The following PDZRN3 variants were observed in gnomAD, a reference collection of about 807,000 sequenced individuals.
The protein encoded by PDZRN3 is PDZ domain containing ring finger 3.
PDZRN3 carries 38 observed loss-of-function variants against 85.7 expected under a neutral mutation model. That is an observed-to-expected ratio of 0.44 (90% CI 0.34 to 0.58). PDZRN3 has a LOEUF of 0.58. Among genes scored for constraint, PDZRN3 ranks in the 20% least tolerant of loss-of-function variants. The pLI, the probability that PDZRN3 is intolerant of heterozygous loss-of-function variation, is 0.01. For synonymous variants in PDZRN3, 759 were observed against 638.0 expected, an observed-to-expected ratio of 1.19 and a Z score of -2.86; for missense variants, 1,629 against 1,506.4, an observed-to-expected ratio of 1.08 and a Z score of -1.35.
intron 3 of PDZRN3, among the ~76,000 whole-genome samples, chr3:73,407,653 C>A (rs1701881344): frequency 6.6e-6 from 1 of 152,078 alleles, no homozygotes; most frequent in South Asian, 2.1e-4. Flanking sequence ...ATTTTTATAG[C>A]AAGGTGATGG....
At chr3:73,388,169 C>T in intron 7 of PDZRN3, 100 bp from the exon 8 acceptor site, 1 of 635,950 alleles carries the variant, frequency 1.6e-6, no homozygotes, top group Admixed American at 2.7e-5. Context: ...CATTTGTCAC[C>T]CACTCACAGT....
chr3:73,417,450 G>A (rs1702115410), intron 3 of PDZRN3, among the ~76,000 whole-genome samples: 1 of 152,072 alleles, frequency 6.6e-6, no homozygotes, highest in South Asian at 2.1e-4. Flanking sequence ...GTGCACGTGC[G>A]GGGAAATACC....
rs1430043537 is a variant in PDZRN3, at chr3:73,384,238, G to C, written c.2328C>G (p.Asp776Glu). Residue 776 changes from aspartate (D) to glutamate (E), a missense_variant, in exon 10 of 10, where the codon GAC becomes GAG. Physicochemically the swap from Asp to Glu is conservative, Grantham distance 45 (BLOSUM62 2). Coordinates refer to ENST00000263666, the MANE Select transcript of PDZRN3 (RefSeq NM_015009.3). Reference sequence around the variant, plus strand: ...CCTCCGCCGCTCTCCTCAAGGAGTTGTCGGGGGAGATCTCCAGGGTGAGCG... The same window carrying C: ...CCTCCGCCGCTCTCCTCAAGGAGTTCTCGGGGGAGATCTCCAGGGTGAGCG... Reference protein sequence around the residue: ...STPLTLEISPDNSLRRAAEGI... With the variant: ...STPLTLEISPENSLRRAAEGI... 5.6e-6 allele frequency: 9 copies of C among 1,613,628 alleles called. No homozygotes were observed. The highest frequency in any genetic ancestry group is 7.6e-6 in the Non-Finnish European group (9 of 1,179,988).
intron 5 of PDZRN3, among the ~76,000 whole-genome samples, chr3:73,397,047 T>C (rs1297219608): frequency 3.3e-5 from 5 of 151,752 alleles, no homozygotes; most frequent in African/African-American, 1.2e-4. Flanking sequence ...TCTTTTTTTT[T>C]TTTTGAGACA....
intron 2 of PDZRN3, among the ~76,000 whole-genome samples, chr3:73,604,166 G>T (rs1702559439): frequency 6.6e-6 from 1 of 152,166 alleles, no homozygotes; most frequent in Admixed American, 6.5e-5. Context: ...TTTACCATCT[G>T]AATACCTCTG....
At chr3:73,399,918 T>C (rs1701716265) in intron 5 of PDZRN3, among the ~76,000 whole-genome samples, 1 of 152,224 alleles carries the variant, frequency 6.6e-6, no homozygotes, top group African/African-American at 2.4e-5. Context: ...ACTTCTGTCT[T>C]GGAATGAGAA....
At chr3:73,474,830 G>C (rs1436717430) in intron 3 of PDZRN3, among the ~76,000 whole-genome samples, 3 of 152,152 alleles carry the variant, frequency 2.0e-5, no homozygotes, top group Admixed American at 6.5e-5. Flanking sequence ...TGAGGTTCAT[G>C]ACCCTGCAGC....
At chr3:73,388,116 A>G in intron 7 of PDZRN3, 47 bp from the exon 8 acceptor site, 1 of 896,722 alleles carries the variant, frequency 1.1e-6, no homozygotes, top group East Asian at 2.5e-5. Flanking sequence ...GACAAATAGC[A>G]TGATTAGATG....
intron 3 of PDZRN3, among the ~76,000 whole-genome samples, chr3:73,554,462 ACATCAT>A (rs940144357): frequency 6.6e-6 from 1 of 152,006 alleles, no homozygotes; most frequent in Non-Finnish European, 1.5e-5. Context: ...ATCGTCATCG[ACATCAT>A]CATCATCATC....
intron 3 of PDZRN3, among the ~76,000 whole-genome samples, chr3:73,478,051 T>C (rs541224485): frequency 6.6e-6 from 1 of 152,162 alleles, no homozygotes; most frequent in East Asian, 1.9e-4. Flanking sequence ...CAAGATGAGA[T>C]TTGGGTGGGG....
At chr3:73,486,533 G>A (rs188105244) in intron 3 of PDZRN3, among the ~76,000 whole-genome samples, 86 of 152,300 alleles carry the variant, frequency 5.6e-4, no homozygotes, top group African/African-American at 1.9e-3. Flanking sequence ...GTAATGAAAA[G>A]GTTAAGAAAT....
Position 73,542,316 on chromosome 3 carries a change from G to A in PDZRN3, c.918+60038C>T, listed in dbSNP as rs115945118. Among the ~76,000 whole-genome samples the A allele has an allele frequency of 3.3e-3, 500 of 152,280 alleles. 1 individual carries two copies. Among genetic ancestry groups the A allele is most frequent in the African/African-American group, 0.012 (482 of 41,564 alleles). ...GAATACAAGGATTGTTTGTTTACAT[G>A]GTTGCCATGAGCAACGGCCCCACAA... On this transcript the variant is annotated intron_variant, in intron 3 of 9. Coordinates refer to ENST00000263666, the MANE Select transcript of PDZRN3 (RefSeq NM_015009.3).
chr3:73,574,277 T>C (rs1702085883), intron 3 of PDZRN3, among the ~76,000 whole-genome samples: 1 of 152,176 alleles, frequency 6.6e-6, no homozygotes, highest in Non-Finnish European at 1.5e-5. Context: ...GCTAATCTTC[T>C]CACCATCAAG....
intron 3 of PDZRN3, among the ~76,000 whole-genome samples, chr3:73,477,595 C>CA (rs978486058): frequency 2.0e-4 from 31 of 152,010 alleles, no homozygotes; most frequent in African/African-American, 2.4e-4. Context: ...CGCTCATGAG[C>CA]AAAAAATCAC....
intron 3 of PDZRN3, among the ~76,000 whole-genome samples, chr3:73,591,995 T>G (rs1237091129): frequency 6.6e-6 from 1 of 152,180 alleles, no homozygotes; most frequent in Non-Finnish European, 1.5e-5. Flanking sequence ...TGAACATATG[T>G]CTACTAATGG....
At chr3:73,454,870 T>C (rs1015047393) in intron 3 of PDZRN3, among the ~76,000 whole-genome samples, 1 of 152,154 alleles carries the variant, frequency 6.6e-6, no homozygotes, top group African/African-American at 2.4e-5. Context: ...TATTAGGATT[T>C]TACCCATTTT....
intron 3 of PDZRN3, among the ~76,000 whole-genome samples, chr3:73,554,023 T>G (rs995568404): frequency 6.6e-6 from 1 of 152,052 alleles, no homozygotes; most frequent in Non-Finnish European, 1.5e-5. Context: ...AGGTACAAAG[T>G]AGAGGCCCAT....
chr3:73,518,902 G>C (rs75697167), intron 3 of PDZRN3, among the ~76,000 whole-genome samples: 1 of 152,154 alleles, frequency 6.6e-6, no homozygotes, highest in African/African-American at 2.4e-5. Flanking sequence ...AATGTTGTGG[G>C]AGCACAAATA....
At chr3:73,531,496 A>G (rs1029022119) in intron 3 of PDZRN3, among the ~76,000 whole-genome samples, 19 of 152,180 alleles carry the variant, frequency 1.2e-4, no homozygotes, top group Non-Finnish European at 2.8e-4. Context: ...ACTGTGCTCC[A>G]TGGCTGGTTA....
Sources: allele counts gnomAD v4.1 joint callset (sites outside exome capture counted in the v4.1 genomes callset), GRCh38; gene constraint gnomAD v4.1.1; transcripts MANE v1.5; gene names NCBI Gene and HGNC (gene_info 2026-07-23, HGNC 2026-07-21).